Variants in G3BP2 observed in about 807,000 individuals in gnomAD.
G3BP2 encodes G3BP stress granule assembly factor 2.
A neutral mutation model predicts 56.7 loss-of-function variants in G3BP2; 11 were observed. That is an observed-to-expected ratio of 0.19 (90% CI 0.12 to 0.32). The LOEUF is 0.32. G3BP2 is among the 10% of genes least tolerant of loss of function. The pLI is 1.00. For synonymous variants in G3BP2, 165 were observed against 191.6 expected, an observed-to-expected ratio of 0.86 and a Z score of 1.15; for missense variants, 340 against 610.9, an observed-to-expected ratio of 0.56 and a Z score of 4.67.
intron 9 of G3BP2, among the ~76,000 whole-genome samples, chr4:75,648,376 A>C (rs1003617781): frequency 3.6e-4 from 54 of 151,724 alleles, no homozygotes; most frequent in East Asian, 9.7e-4. Context: ...AAAAAAAAAA[A>C]ACAAAAAACC....
chr4:75,691,362 T>G (rs963779367), intron 3 of G3BP2, among the ~76,000 whole-genome samples: 3 of 152,152 alleles, frequency 2.0e-5, no homozygotes, highest in African/African-American at 7.2e-5. Flanking sequence ...TTACCGGTTG[T>G]GAGCCACTGC....
chr4:75,673,242 G>C lies in G3BP2; in HGVS notation c.-59C>G. The C allele has an allele frequency of 8.2e-7, 1 of 1,220,050 alleles. No homozygotes were observed. 75.6% of individuals were successfully genotyped at this position (1,220,050 alleles called of 1,614,324 possible). On this transcript the variant is annotated 5_prime_UTR_variant, in exon 1 of 12. Coordinates refer to ENST00000359707, the MANE Select transcript of G3BP2 (RefSeq NM_203505.3). Reference sequence around the variant, plus strand: ...ACGGCGGCGGCGGGTACGTCGCGCGGAGGTCAGAAGAGTCGCTGAGGACCG... The same window carrying C: ...ACGGCGGCGGCGGGTACGTCGCGCGCAGGTCAGAAGAGTCGCTGAGGACCG...
chr4:75,661,090 G>C (rs1192270072), intron 2 of G3BP2, among the ~76,000 whole-genome samples: 1 of 152,148 alleles, frequency 6.6e-6, no homozygotes, highest in Non-Finnish European at 1.5e-5. Flanking sequence ...TTAAGCTGTT[G>C]ATTTCAAATT....
intron 3 of G3BP2, among the ~76,000 whole-genome samples, chr4:75,701,839 TA>T (rs1463383821): frequency 2.0e-5 from 3 of 152,184 alleles, no homozygotes; most frequent in African/African-American, 7.2e-5. Flanking sequence ...GAATACTCTA[TA>T]GATGAGAAAG....
chr4:75,669,358 C>A lies in G3BP2; in HGVS notation c.-25+3850G>T, dbSNP rs546571853. Among the ~76,000 whole-genome samples the A allele has an allele frequency of 6.7e-4, 102 of 152,296 alleles. 2 individuals carry two copies. In the South Asian group the frequency reaches 0.021, roughly 31 times the overall value. The stretch of plus-strand genomic sequence containing the variant: ...CTTGAAAGCTCAGTCGTGACTTTCT[C>A]CCCTTTAGCTTTGCCACTTAAACTG... On this transcript the variant is annotated intron_variant, in intron 1 of 11. Transcript: ENST00000359707.
intron 1 of G3BP2, among the ~76,000 whole-genome samples, chr4:75,723,873 T>A (rs1406803139): frequency 6.7e-6 from 1 of 149,816 alleles, no homozygotes; most frequent in Non-Finnish European, 1.5e-5. Flanking sequence ...GGCATACCAA[T>A]TAGAGAAAAT....
At chr4:75,694,753 C>A in intron 3 of G3BP2, 2 of 986,968 alleles carry the variant, frequency 2.0e-6, no homozygotes, top group Non-Finnish European at 2.4e-6. Flanking sequence ...AACAAACAAA[C>A]AAACAAACAA....
chr4:75,668,186 A>G (rs575664396), intron 1 of G3BP2, among the ~76,000 whole-genome samples: 1 of 152,352 alleles, frequency 6.6e-6, no homozygotes, highest in Non-Finnish European at 1.5e-5. Context: ...ATTGGTAGAC[A>G]TACATGCAGA....
intron 3 of G3BP2, among the ~76,000 whole-genome samples, chr4:75,707,624 A>G (rs1378815522): frequency 6.7e-6 from 1 of 149,938 alleles, no homozygotes; most frequent in Non-Finnish European, 1.5e-5. Flanking sequence ...AAAAAAAGAC[A>G]ATTATCAGTT....
intron 1 of G3BP2, among the ~76,000 whole-genome samples, chr4:75,722,906 T>C (rs578060510): frequency 6.6e-6 from 1 of 152,344 alleles, no homozygotes; most frequent in South Asian, 2.1e-4. Flanking sequence ...TATTCATTTA[T>C]CCATCAATAT....
chr4:75,646,275 C>T, intron 11 of G3BP2, 63 bp downstream of exon 11: 1 of 760,400 alleles, frequency 1.3e-6, no homozygotes, highest in South Asian at 1.6e-5. Flanking sequence ...TTTTTAAATA[C>T]CCCAAATTAA....
chr4:75,644,613 A>C lies in G3BP2; in HGVS notation c.*817T>G, dbSNP rs2148935735. The C allele has an allele frequency of 6.5e-6, 1 of 152,752 alleles. No homozygotes were observed. Among genetic ancestry groups the C allele is most frequent in the South Asian group, 2.1e-4 (1 of 4,826 alleles). The allele number at this position is 152,752 out of a possible 1,614,324, so 9.5% of individuals were successfully genotyped here. A position where few individuals can be genotyped will look rare whatever the true frequency, so the allele number is the denominator to read the frequency against. On this transcript the variant is annotated 3_prime_UTR_variant, in exon 12 of 12. Transcript: ENST00000359707. The stretch of plus-strand genomic sequence containing the variant: ...TCACTGTACACAGCTTAAAGAAAGG[A>C]AAAAAGGGGAGGAGGAGTGTGTTGA...
At chr4:75,672,912 G>T (rs1578415081) in intron 1 of G3BP2, 2 of 739,662 alleles carry the variant, frequency 2.7e-6, no homozygotes, top group Non-Finnish European at 3.3e-6. Context: ...CCCCCACTTC[G>T]CCACCTCATC....
Position 75,661,969 on chromosome 4 carries a change from A to G in G3BP2, c.57T>C (p.Tyr19=). ...CCGGAGCTTTATTCAGCAAAGTATA[A>G]TATTGCCTCACAAACTCCCGCCCTA... ...LLVGREFVRQ[Y]YTLLNKAPEY... is the part of the protein sequence containing the mutation. The change falls in exon 2 of 12, where the codon TAT becomes TAC. Residue 19 remains tyrosine (Y), a synonymous_variant. Coordinates refer to ENST00000359707, the MANE Select transcript of G3BP2 (RefSeq NM_203505.3). 1.2e-6 allele frequency: 2 copies of G among 1,604,784 alleles called. No individual in the cohort carries two copies. The highest frequency in any genetic ancestry group is 1.7e-6 in the Non-Finnish European group (2 of 1,171,546).
intron 1 of G3BP2, among the ~76,000 whole-genome samples, chr4:75,663,283 G>T (rs1417821282): frequency 6.6e-6 from 1 of 152,012 alleles, no homozygotes; most frequent in Non-Finnish European, 1.5e-5. Context: ...CTGAGACAGG[G>T]TCTCGCTCTG....
chr4:75,707,523 T>G (rs1719597446), intron 3 of G3BP2, among the ~76,000 whole-genome samples: 1 of 144,266 alleles, frequency 6.9e-6, no homozygotes, highest in South Asian at 2.2e-4. Context: ...GGCAGGAGAA[T>G]GGCGTGAACC....
intron 3 of G3BP2, among the ~76,000 whole-genome samples, chr4:75,694,070 G>A (rs530474551): frequency 2.6e-5 from 4 of 152,250 alleles, no homozygotes; most frequent in African/African-American, 9.6e-5. Context: ...CTGCTAAAGA[G>A]ACAGGGCTTC....
intron 3 of G3BP2, chr4:75,694,873 A>C (rs1719038269): frequency 1.0e-6 from 1 of 985,612 alleles, no homozygotes; most frequent in Non-Finnish European, 1.2e-6. Flanking sequence ...TCCAGAAGTA[A>C]CAGCCGAAGG....
intron 5 of G3BP2, among the ~76,000 whole-genome samples, chr4:75,656,460 TG>T: frequency 6.6e-6 from 1 of 152,286 alleles, no homozygotes; most frequent in South Asian, 2.1e-4. Flanking sequence ...TAGCTTCCTT[TG>T]TAACATATAT....
Sources: gnomAD v4.1 joint callset for allele counts (sites outside exome capture counted in the v4.1 genomes callset) on GRCh38, gnomAD v4.1.1 for gene constraint, MANE v1.5 for transcripts, NCBI Gene and HGNC (gene_info 2026-07-23, HGNC 2026-07-21) for gene names.